The following NTNG1 variants were observed in gnomAD, a reference collection of about 807,000 sequenced individuals.
The protein encoded by NTNG1 is netrin-G1.
Under a neutral mutation model 54.0 loss-of-function variants are expected in NTNG1, and 16 were observed. The observed-to-expected ratio is 0.30, with a 90% confidence interval of 0.20 to 0.45. NTNG1 has a LOEUF of 0.45. Among genes scored for constraint, NTNG1 ranks in the 20% least tolerant of loss-of-function variants. The pLI, the probability that NTNG1 is intolerant of heterozygous loss-of-function variation, is 1.00. For missense variants in NTNG1, 530 were observed against 678.7 expected (o/e 0.78, Z 2.43); for synonymous variants, 255 against 263.1 (o/e 0.97, Z 0.30).
intron 5 of NTNG1, among the ~76,000 whole-genome samples, chr1:107,430,465 A>C (rs1218031394): frequency 6.6e-6 from 1 of 152,160 alleles, no homozygotes; most frequent in African/African-American, 2.4e-5. Flanking sequence ...AGGCTTCCCA[A>C]ATTTTAAAAG....
intron 1 of NTNG1, among the ~76,000 whole-genome samples, chr1:107,147,260 G>A (rs182979408): frequency 1.4e-4 from 22 of 151,960 alleles, no homozygotes; most frequent in Admixed American, 6.6e-4. Flanking sequence ...ACTCACCCTC[G>A]GCTATTTTTA....
chr1:107,201,136 T>C (rs1163946378), intron 2 of NTNG1, among the ~76,000 whole-genome samples: 8 of 151,882 alleles, frequency 5.3e-5, no homozygotes, highest in Non-Finnish European at 1.5e-5. Flanking sequence ...TTTTTTAACA[T>C]TATCCTCTGA....
intron 3 of NTNG1, among the ~76,000 whole-genome samples, chr1:107,366,714 G>A (rs1351053149): frequency 6.6e-6 from 1 of 152,184 alleles, no homozygotes; most frequent in African/African-American, 2.4e-5. Flanking sequence ...CTGAAATGAT[G>A]CAGAATTAAC....
chr1:107,467,901 G>A (rs952233050), intron 7 of NTNG1, among the ~76,000 whole-genome samples: 2 of 152,126 alleles, frequency 1.3e-5, no homozygotes, highest in African/African-American at 4.8e-5. Flanking sequence ...TCATCATTTT[G>A]CACATTCTCG....
At chr1:107,221,560 A>T (rs972274504) in intron 2 of NTNG1, among the ~76,000 whole-genome samples, 1 of 152,162 alleles carries the variant, frequency 6.6e-6, no homozygotes, top group South Asian at 2.1e-4. Context: ...CTTTCTAGGT[A>T]GAGGGAACAT....
chr1:107,160,508 T>C (rs1655326906), intron 2 of NTNG1, among the ~76,000 whole-genome samples: 2 of 152,256 alleles, frequency 1.3e-5, no homozygotes, highest in African/African-American at 2.4e-5. Flanking sequence ...ATTTATATAC[T>C]ATATAATATA....
intron 2 of NTNG1, among the ~76,000 whole-genome samples, chr1:107,153,255 C>T (rs1470255964): frequency 2.0e-5 from 3 of 152,148 alleles, no homozygotes; most frequent in Non-Finnish European, 2.9e-5. Context: ...ACCTTTGGCT[C>T]AGGTTGCCAT....
At chr1:107,181,615 A>G (rs1003437786) in intron 2 of NTNG1, among the ~76,000 whole-genome samples, 1 of 152,194 alleles carries the variant, frequency 6.6e-6, no homozygotes, top group Non-Finnish European at 1.5e-5. Flanking sequence ...TTACAGTGTC[A>G]TACAACTCCA....
chr1:107,378,231 T>C (rs1427066653), intron 3 of NTNG1, among the ~76,000 whole-genome samples: 2 of 152,168 alleles, frequency 1.3e-5, no homozygotes, highest in Non-Finnish European at 2.9e-5. Context: ...AACTCCTGGG[T>C]CAGCAGCAGA....
intron 3 of NTNG1, among the ~76,000 whole-genome samples, chr1:107,340,686 T>C (rs766918299): frequency 6.6e-6 from 1 of 151,930 alleles, no homozygotes; most frequent in Non-Finnish European, 1.5e-5. Context: ...CAAACTAAAA[T>C]CAGAAAAATC....
intron 6 of NTNG1, among the ~76,000 whole-genome samples, chr1:107,435,328 T>C (rs1286981440): frequency 1.3e-5 from 2 of 152,176 alleles, no homozygotes; most frequent in African/African-American, 4.8e-5. Context: ...AATGTTAATT[T>C]AAAATAAAAC....
intron 3 of NTNG1, among the ~76,000 whole-genome samples, chr1:107,354,664 A>G (rs963233662): frequency 4.6e-5 from 7 of 152,046 alleles, no homozygotes; most frequent in Non-Finnish European, 8.8e-5. Context: ...AATAAGTTGC[A>G]TGACAGGGAC....
intron 5 of NTNG1, among the ~76,000 whole-genome samples, chr1:107,411,713 G>A (rs957014799): frequency 3.3e-5 from 5 of 152,074 alleles, no homozygotes; most frequent in Non-Finnish European, 5.9e-5. Flanking sequence ...GTAGCGATAG[G>A]CAAATTGCAT....
chr1:107,436,929 T>G, intron 7 of NTNG1, 130 bp downstream of exon 7: 1 of 797,464 alleles, frequency 1.3e-6, no homozygotes, highest in South Asian at 2.0e-5. Context: ...AGCTACTTAA[T>G]GCTGCGGCCA....
At chr1:107,145,719 G>T (rs1264684130) in intron 1 of NTNG1, among the ~76,000 whole-genome samples, 1 of 152,050 alleles carries the variant, frequency 6.6e-6, no homozygotes, top group Non-Finnish European at 1.5e-5. Context: ...GCTGCCTCTT[G>T]TCAAGAATGT....
chr1:107,185,411 C>G (rs1657378317), intron 2 of NTNG1, among the ~76,000 whole-genome samples: 1 of 152,050 alleles, frequency 6.6e-6, no homozygotes, highest in South Asian at 2.1e-4. Flanking sequence ...CAATCTCTGC[C>G]TTCCTTATCT....
chr1:107,275,062 G>A (rs891644602), intron 2 of NTNG1, among the ~76,000 whole-genome samples: 2 of 152,064 alleles, frequency 1.3e-5, no homozygotes, highest in East Asian at 1.9e-4. Flanking sequence ...GCATGTGTAC[G>A]TGTGTGTATA....
intron 2 of NTNG1, among the ~76,000 whole-genome samples, chr1:107,189,922 T>A (rs1331992496): frequency 1.3e-5 from 2 of 151,958 alleles, no homozygotes; most frequent in Admixed American, 6.6e-5. Context: ...AGCCCAAATA[T>A]CCATTGACAG....
chr1:107,269,210 C>A (rs149981612), intron 2 of NTNG1, among the ~76,000 whole-genome samples: 1 of 152,308 alleles, frequency 6.6e-6, no homozygotes, highest in East Asian at 1.9e-4. Flanking sequence ...GCTTCTACTA[C>A]ATCTTCAAGG....
Sources: allele counts gnomAD v4.1 joint callset (sites outside exome capture counted in the v4.1 genomes callset), GRCh38; gene constraint gnomAD v4.1.1; transcripts MANE v1.5; gene names NCBI Gene and HGNC (gene_info 2026-07-23, HGNC 2026-07-21).